Variants in TRIP10 observed in about 807,000 individuals in gnomAD.
TRIP10 encodes the protein cdc42-interacting protein 4.
A neutral mutation model predicts 80.9 loss-of-function variants in TRIP10; 54 were observed. That is an observed-to-expected ratio of 0.67 (90% CI 0.54 to 0.84). The LOEUF is 0.84. TRIP10 is among the 40% of genes least tolerant of loss of function. TRIP10 has a pLI of 0.00. For missense variants in TRIP10, 773 were observed against 815.3 expected, an observed-to-expected ratio of 0.95 and a Z score of 0.63; for synonymous variants, 321 against 307.2, an observed-to-expected ratio of 1.04 and a Z score of -0.47.
At chr19:6,743,981 C>G in intron 7 of TRIP10, 145 bp downstream of exon 7, 1 of 1,122,048 alleles carries the variant, frequency 8.9e-7, no homozygotes, top group Middle Eastern at 2.2e-4. Flanking sequence ...GTGAGCTGTG[C>G]TTTTAGTCAG....
rs535978477 is a variant in TRIP10, at chr19:6,745,199, G to A, written c.984+205G>A. The stretch of plus-strand genomic sequence containing the variant: ...GCGAAGGCGGGGGCAGGGTGGGGAG[G>A]TGGGGAGGTCCGTGGCGTTTGTCTG... On this transcript the variant is annotated intron_variant, in intron 9 of 14. Transcript: ENST00000313244. This position sits in a 1 kb window ranked among gnomAD's most constrained non-coding sequence, Gnocchi z 7.2. 1.2e-5 allele frequency: 8 copies of A among 680,974 alleles called. No homozygotes were observed. In the Admixed American group the frequency reaches 2.2e-4, roughly 19 times the overall value. 42.2% of individuals were successfully genotyped at this position (680,974 alleles called of 1,614,324 possible).
At chr19:6,747,132 T>G (rs184748790) in intron 11 of TRIP10, among the ~76,000 whole-genome samples, 2 of 152,352 alleles carry the variant, frequency 1.3e-5, no homozygotes, top group African/African-American at 4.8e-5. Flanking sequence ...GAGACCTGCC[T>G]GGGCAACAGA....
intron 3 of TRIP10, 124 bp downstream of exon 3, chr19:6,741,405 A>G: frequency 2.7e-6 from 3 of 1,128,044 alleles, no homozygotes; most frequent in South Asian, 1.3e-5. Flanking sequence ...AGGTGAGAGC[A>G]TGGATGCAAG....
rs370986557 is a variant in TRIP10, at chr19:6,744,863, G to A, written c.853G>A (p.Glu285Lys). ...GFARPGDVEF[E>K]DFSQPMNRAP... is the part of the protein sequence containing the mutation. ...TGCCCGCCCGGGCGACGTGGAATTC[G>A]AGGACTTCAGCCAGCCCATGAACCG... is the stretch of plus-strand genomic sequence containing the variant. Residue 285 changes from glutamate to lysine, a missense_variant, in exon 9 of 15, where the codon GAG becomes AAG. Transcript: ENST00000313244. The surrounding 1 kb of genome is among the most constrained non-coding windows in gnomAD (Gnocchi z 4.9). 3.9e-5 allele frequency: 63 copies of A among 1,614,222 alleles called. No individual in the cohort carries two copies. The highest frequency in any genetic ancestry group is 1.1e-4 in the African/African-American group (8 of 75,074).
chr19:6,750,918 C>A, intron 14 of TRIP10, 145 bp from the exon 15 acceptor site: 1 of 1,292,462 alleles, frequency 7.7e-7, no homozygotes, highest in Non-Finnish European at 1.0e-6. Flanking sequence ...ATCCCTTGAA[C>A]CTGGAGGCAG....
chr19:6,745,817 C>T lies in TRIP10; in HGVS notation c.985-212C>T. The T allele has an allele frequency of 1.0e-6, 1 of 985,374 alleles. No homozygotes were observed. Among genetic ancestry groups the T allele is most frequent in the Non-Finnish European group, 1.2e-6 (1 of 829,926 alleles). 61.0% of individuals were successfully genotyped at this position (985,374 alleles called of 1,614,324 possible). A position where few individuals can be genotyped will look rare whatever the true frequency, so the allele number is the denominator to read the frequency against. On this transcript the variant is annotated intron_variant, in intron 9 of 14. Transcript: ENST00000313244. This position sits in a 1 kb window ranked among gnomAD's most constrained non-coding sequence, Gnocchi z 7.2. ...CCTTCCAGATTTTTTTGTGTCGCTC[C>T]TGCATGCGTTTTCTCTGTGTGGTTG...
intron 5 of TRIP10, 68 bp downstream of exon 5, chr19:6,743,324 A>C: frequency 6.3e-7 from 1 of 1,591,840 alleles, no homozygotes. Context: ...ATCCGGAGTC[A>C]GGGAGCTGCC....
At chr19:6,740,734 C>A in intron 1 of TRIP10, 1 of 450,042 alleles carries the variant, frequency 2.2e-6, no homozygotes, top group East Asian at 4.0e-5. Context: ...CTGTCCCCTT[C>A]CACGCCCCTC....
At position 6,744,664 on chromosome 19, in the gene TRIP10, C is replaced by A; in HGVS notation, c.753C>A (p.Gly251=). 1 of 1,610,004 alleles carries A rather than the reference C, an allele frequency of 6.2e-7. No individual in the cohort carries two copies. Among genetic ancestry groups the A allele is most frequent in the Non-Finnish European group, 8.5e-7 (1 of 1,177,828 alleles). ...CCATAATAGCCAAGTGCTTGGAGGG[C>A]ATGAAGGTGGCTGCAAATGCTGTGG... is the stretch of plus-strand genomic sequence containing the variant. The part of the protein sequence containing the change: ...VVPIIAKCLE[G]MKVAANAVDP... The change falls in exon 8 of 15, where the codon GGC becomes GGA. Residue 251 remains glycine, a synonymous_variant. Transcript: ENST00000313244. The surrounding 1 kb of genome is among the most constrained non-coding windows in gnomAD (Gnocchi z 4.9).
chr19:6,740,026 G>A (rs1306587314), intron 1 of TRIP10, among the ~76,000 whole-genome samples: 4 of 152,152 alleles, frequency 2.6e-5, no homozygotes, highest in Non-Finnish European at 5.9e-5. Context: ...GAATGAGGCG[G>A]GCAGAAGGAA....
In TRIP10 at chr19:6,745,296, C is replaced by A. The variant is rs1969082515; in HGVS notation, c.984+302C>A. On this transcript the variant is annotated intron_variant, in intron 9 of 14. Transcript: ENST00000313244. The surrounding 1 kb of genome is among the most constrained non-coding windows in gnomAD (Gnocchi z 7.2). ...CTGGCCTGAGGGCTGGTGACACCATCCCTGGGGACTCCCCGAGTTTCTCTC... is the reference window on the plus strand; with the variant it reads ...CTGGCCTGAGGGCTGGTGACACCATACCTGGGGACTCCCCGAGTTTCTCTC... 9.5e-6 allele frequency: 4 copies of A among 420,560 alleles called. No individual in the cohort carries two copies. In the South Asian group the frequency reaches 1.4e-4, roughly 15 times the overall value. The allele number at this position is 420,560 out of a possible 1,614,324, so 26.1% of individuals were successfully genotyped here.
Position 6,746,147 on chromosome 19 carries a change from C to T in TRIP10, c.1103C>T (p.Ser368Leu), listed in dbSNP as rs1486527377. 1.2e-5 allele frequency: 19 copies of T among 1,547,334 alleles called. No homozygotes were observed. Among genetic ancestry groups the T allele is most frequent in the Non-Finnish European group, 1.6e-5 (18 of 1,145,490 alleles). The change falls in exon 10 of 15, where the codon TCG becomes TTG. Residue 368 changes from serine (S) to leucine (L), a missense_variant. By Grantham distance (145) the Ser-to-Leu change is moderately radical. Coordinates refer to ENST00000313244, the MANE Select transcript of TRIP10 (RefSeq NM_001288962.2). The surrounding 1 kb of genome is among the most constrained non-coding windows in gnomAD (Gnocchi z 6.2). Reference sequence around the variant, plus strand: ...GCCATACTGAGCGAGATCAGTAAGTCGGTCAAACCGAGGCTAGCATCCTTC... The same window carrying T: ...GCCATACTGAGCGAGATCAGTAAGTTGGTCAAACCGAGGCTAGCATCCTTC... ...PLAILSEISKSVKPRLASFRS... is the reference protein window; with the variant it reads ...PLAILSEISKLVKPRLASFRS...
chr19:6,743,590 G>A lies in TRIP10; in HGVS notation c.505G>A (p.Val169Met), dbSNP rs761035469. The A allele has an allele frequency of 6.4e-7, 1 of 1,561,330 alleles. No individual in the cohort carries two copies. ...DQDINATKAD[V>M]EKAKQQAHLR... is the part of the protein sequence containing the mutation. ...GGATATCAACGCCACCAAGGCTGAT[G>A]TGGAGAAGGTGTGTGTGGCGGGGGC... Residue 169 changes from valine (V) to methionine (M), a missense_variant, in exon 6 of 15, where the codon GTG (valine) becomes ATG (methionine). By Grantham distance (21) the Val-to-Met change is conservative (BLOSUM62 1). Coordinates refer to ENST00000313244, the MANE Select transcript of TRIP10 (RefSeq NM_001288962.2).
Position 6,750,034 on chromosome 19 carries a change from G to C in TRIP10, c.1363G>C (p.Glu455Gln). 1 of 1,609,794 alleles carries C rather than the reference G, an allele frequency of 6.2e-7. No homozygotes were observed. The highest frequency in any genetic ancestry group is 8.5e-7 in the Non-Finnish European group (1 of 1,178,652). The change falls in exon 12 of 15, where the codon GAA (glutamate) becomes CAA (glutamine). Residue 455 changes from glutamate (E) to glutamine (Q), a missense_variant. Coordinates refer to ENST00000313244, the MANE Select transcript of TRIP10 (RefSeq NM_001288962.2). ...GATCGCTGAAACCCTGAGCAACATTGAACGGCTGAAATTGGAAGTGCAGAA... is the reference window on the plus strand; with the variant it reads ...GATCGCTGAAACCCTGAGCAACATTCAACGGCTGAAATTGGAAGTGCAGAA... ...PQIAETLSNI[E>Q]RLKLEVQKYE... is the part of the protein sequence containing the mutation.
At position 6,750,440 on chromosome 19, in the gene TRIP10, T is replaced by G. The variant is rs200487847; in HGVS notation, c.1535+9T>G. 6.2e-7 allele frequency: 1 copy of G among 1,613,758 alleles called. No homozygotes were observed. ...CAGGACACCAAGGAGAGGTGAGGGGTGACGTCAGAGTGGGTCTGTTCCCAG... is the reference window on the plus strand; with the variant it reads ...CAGGACACCAAGGAGAGGTGAGGGGGGACGTCAGAGTGGGTCTGTTCCCAG... On this transcript the variant is annotated intron_variant, in intron 13 of 14. Transcript: ENST00000313244.
rs757203464 is a variant in TRIP10 at position 6,751,519 on chromosome 19, G to A, written c.*308G>A. ...AAAGAAATTATATAAAGTTCCTAGA[G>A]TCGGTGTCTTATTAGAGGATTTAAA... On this transcript the variant is annotated 3_prime_UTR_variant, in exon 15 of 15. Coordinates refer to ENST00000313244, the MANE Select transcript of TRIP10 (RefSeq NM_001288962.2). The A allele has an allele frequency of 5.6e-6, 3 of 540,538 alleles. No homozygotes were observed. Among genetic ancestry groups the A allele is most frequent in the Non-Finnish European group, 5.8e-6 (2 of 347,124 alleles). 33.5% of individuals were successfully genotyped at this position (540,538 alleles called of 1,614,324 possible).
rs1368119513 is a variant in TRIP10 at position 6,746,679 on chromosome 19, G to T, written c.1262+118G>T. ...TTATTATATTTTATTTTGTGACAGG[G>T]TCTTAGTCTGTCGTCCAGGCTGGAG... On this transcript the variant is annotated intron_variant, in intron 11 of 14. Coordinates refer to ENST00000313244, the MANE Select transcript of TRIP10 (RefSeq NM_001288962.2). This position sits in a 1 kb window ranked among gnomAD's most constrained non-coding sequence, Gnocchi z 6.2. 1 of 623,086 alleles carries T rather than the reference G, an allele frequency of 1.6e-6. No homozygotes were observed. Among genetic ancestry groups the T allele is most frequent in the Non-Finnish European group, 2.2e-6 (1 of 446,976 alleles). The allele number at this position is 623,086 out of a possible 1,614,324, so 38.6% of individuals were successfully genotyped here.
chr19:6,745,070 C>A lies in TRIP10; in HGVS notation c.984+76C>A, dbSNP rs934944149. The A allele has an allele frequency of 4.0e-6, 6 of 1,497,274 alleles. 1 individual carries two copies. The East Asian group carries it at 1.2e-4, about 29-fold the overall frequency. The allele number at this position is 1,497,274 out of a possible 1,614,324, so 92.7% of individuals were successfully genotyped here. On this transcript the variant is annotated intron_variant, in intron 9 of 14. Transcript: ENST00000313244. The surrounding 1 kb of genome is among the most constrained non-coding windows in gnomAD (Gnocchi z 7.2). Reference sequence around the variant, plus strand: ...GACAGTGGGGCCCCTATTGAGTCAGCCCCAGCCGCCTGAACGCCGAGTCTC... The same window carrying A: ...GACAGTGGGGCCCCTATTGAGTCAGACCCAGCCGCCTGAACGCCGAGTCTC...
rs531122739 is a variant in TRIP10, at chr19:6,751,457, C to T, written c.*246C>T. The stretch of plus-strand genomic sequence containing the variant: ...ATCTTTTCTTTCTGCCGCTCGGCTC[C>T]GGCCATTTTGTTTTATACAAAAATG... On this transcript the variant is annotated 3_prime_UTR_variant, in exon 15 of 15. Transcript: ENST00000313244. The T allele has an allele frequency of 1.4e-4, 136 of 983,500 alleles. 1 individual carries two copies. The highest frequency in any genetic ancestry group is 9.2e-4 in the African/African-American group (54 of 58,862). 60.9% of individuals were successfully genotyped at this position (983,500 alleles called of 1,614,324 possible). A position where few individuals can be genotyped will look rare whatever the true frequency, so the allele number is the denominator to read the frequency against.
Sources: gnomAD v4.1 joint callset for allele counts (sites outside exome capture counted in the v4.1 genomes callset) on GRCh38, gnomAD v4.1.1 for gene constraint, Gnocchi (gnomAD v3.1) non-coding constraint, MANE v1.5 for transcripts, NCBI Gene and HGNC (gene_info 2026-07-23, HGNC 2026-07-21) for gene names.